The following CLTRN variants were observed in gnomAD, a reference collection of about 807,000 sequenced individuals.
CLTRN encodes collectrin.
A neutral mutation model predicts 14.5 loss-of-function variants in CLTRN; 12 were observed. The ratio of observed to expected loss-of-function variants is 0.83; its 90% confidence interval spans 0.53 to 1.34. The LOEUF (loss-of-function observed/expected upper bound fraction) is 1.34. CLTRN is among the 40% of genes most tolerant of loss of function. The pLI is 0.00. For synonymous variants in CLTRN, 58 were observed against 56.5 expected (o/e 1.03, Z -0.12); for missense variants, 154 against 165.1 (o/e 0.93, Z 0.37).
intron 3 of CLTRN, among the ~76,000 whole-genome samples, chrX:15,654,401 T>C (rs1049636780): frequency 4.4e-5 from 5 of 112,729 alleles, no homozygotes; most frequent in Non-Finnish European, 9.4e-5. Flanking sequence ...GACCTGGGAA[T>C]TAGACTAAAC....
chrX:15,635,619 A>G (rs771230972), intron 5 of CLTRN, among the ~76,000 whole-genome samples: 12 of 112,048 alleles, frequency 1.1e-4, no homozygotes, highest in Admixed American at 1.0e-3. Context: ...CACACCAAAT[A>G]CAAAAATCAA....
intron 3 of CLTRN, chrX:15,646,220 C>T (rs1453823929): frequency 1.7e-5 from 4 of 228,649 alleles, no homozygotes; most frequent in Middle Eastern, 1.6e-3. Flanking sequence ...TGGCCTCCTG[C>T]CCCATGCAAC....
At chrX:15,657,619 G>C (rs1374012543) in intron 3 of CLTRN, among the ~76,000 whole-genome samples, 2 of 81,424 alleles carry the variant, frequency 2.5e-5, no homozygotes, top group African/African-American at 5.0e-5. Context: ...GAGATAACCA[G>C]TGGCTTTTCT....
intron 3 of CLTRN, among the ~76,000 whole-genome samples, chrX:15,652,387 G>A (rs1262140684): frequency 9.4e-6 from 1 of 106,566 alleles, no homozygotes; most frequent in Non-Finnish European, 1.9e-5. Context: ...GCAACTCAGC[G>A]AAACAAAATT....
At chrX:15,653,621 C>T (rs1273587146) in intron 3 of CLTRN, among the ~76,000 whole-genome samples, 4 of 112,053 alleles carry the variant, frequency 3.6e-5, no homozygotes, top group African/African-American at 1.3e-4. Flanking sequence ...TTCTCTGCCT[C>T]CTCCACAACT....
At chrX:15,653,874 T>C (rs1291570506) in intron 3 of CLTRN, among the ~76,000 whole-genome samples, 1 of 112,846 alleles carries the variant, frequency 8.9e-6, no homozygotes, top group African/African-American at 3.2e-5. Context: ...ATTATTTGAA[T>C]TCACTTTAAT....
upstream of CLTRN, among the ~76,000 whole-genome samples, chrX:15,667,650 C>T (rs1312789638): frequency 8.9e-6 from 1 of 112,322 alleles, no homozygotes; most frequent in Non-Finnish European, 1.9e-5. Flanking sequence ...TTCTTAAAAA[C>T]AAAACTGGGG....
At chrX:15,655,624 C>G (rs1247592836) in intron 3 of CLTRN, among the ~76,000 whole-genome samples, 1 of 111,956 alleles carries the variant, frequency 8.9e-6, no homozygotes, top group Non-Finnish European at 1.9e-5. Context: ...TGCTCTCTCT[C>G]TCCCCAGTCA....
At chrX:15,664,478 G>T in intron 1 of CLTRN, 83 bp from the exon 2 acceptor site, 1 of 840,699 alleles carries the variant, frequency 1.2e-6, no homozygotes, top group Non-Finnish European at 1.7e-6. Flanking sequence ...AATATGTAAT[G>T]CAACTCAAAC....
At chrX:15,638,777 T>A (rs1039775505) in intron 5 of CLTRN, among the ~76,000 whole-genome samples, 1 of 111,961 alleles carries the variant, frequency 8.9e-6, no homozygotes, top group Admixed American at 9.5e-5. Context: ...TGAAGCAGTA[T>A]CAATAACTTA....
intron 5 of CLTRN, among the ~76,000 whole-genome samples, chrX:15,634,459 C>T (rs940413290): frequency 4.5e-5 from 5 of 110,135 alleles, no homozygotes; most frequent in Admixed American, 9.8e-5. Flanking sequence ...ATCACCATCA[C>T]CATCATCACC....
intron 5 of CLTRN, 32 bp from the exon 6 acceptor site, chrX:15,628,159 C>A: frequency 9.9e-7 from 1 of 1,008,707 alleles, no homozygotes; most frequent in Non-Finnish European, 1.3e-6. Context: ...TGATTGGCAT[C>A]TAGAAGGACC....
chrX:15,628,039 G>T lies in CLTRN; in HGVS notation c.601C>A (p.Leu201Met). 4 of 1,142,397 alleles carry T rather than the reference G, an allele frequency of 3.5e-6. No individual in the cohort carries two copies. Among genetic ancestry groups the T allele is most frequent in the Non-Finnish European group, 4.7e-6 (4 of 856,158 alleles). 94.1% of individuals were successfully genotyped at this position (1,142,397 alleles called of 1,213,427 possible). Residue 201 changes from leucine to methionine, a missense_variant, in exon 6 of 6, where the codon CTG (leucine) becomes ATG (methionine). Transcript: ENST00000380342. ...TTAATATGCCCTCCCTTCATGTCCA[G>T]GGGATCAGAGGGGATGCCATTTTCA... ...TIENGIPSDP[L>M]DMKGGHINDA...
chrX:15,668,101 C>T (rs12009489), upstream of CLTRN, among the ~76,000 whole-genome samples: 6,936 of 110,867 alleles, frequency 0.063, 498 homozygotes, highest in African/African-American at 0.21. Flanking sequence ...TATAGAGAAG[C>T]AAAAAAAAGT....
intron 1 of CLTRN, among the ~76,000 whole-genome samples, chrX:15,674,352 T>C (rs1411536782): frequency 1.8e-5 from 2 of 111,742 alleles, no homozygotes; most frequent in African/African-American, 6.5e-5. Flanking sequence ...ACCAAGTGCC[T>C]AGGAAAAGTC....
At chrX:15,629,751 T>C (rs1928648333) in intron 5 of CLTRN, among the ~76,000 whole-genome samples, 2 of 111,413 alleles carry the variant, frequency 1.8e-5, no homozygotes. Context: ...TTTCAAGATA[T>C]CACCCCCATA....
intron 3 of CLTRN, among the ~76,000 whole-genome samples, chrX:15,645,944 G>A (rs1345901565): frequency 8.8e-6 from 1 of 113,153 alleles, no homozygotes; most frequent in Non-Finnish European, 1.9e-5. Flanking sequence ...CAAGTGTATT[G>A]TGATCATTTT....
At chrX:15,659,728 G>A (rs1409094822) in intron 2 of CLTRN, among the ~76,000 whole-genome samples, 1 of 111,281 alleles carries the variant, frequency 9.0e-6, no homozygotes, top group African/African-American at 3.3e-5. Flanking sequence ...GAGGGAAGAT[G>A]ATATGAAGAC....
At chrX:15,631,162 A>G (rs1928686329) in intron 5 of CLTRN, among the ~76,000 whole-genome samples, 1 of 112,295 alleles carries the variant, frequency 8.9e-6, no homozygotes, top group Non-Finnish European at 1.9e-5. Flanking sequence ...ATGAAGCTGT[A>G]AGTAGCAAAT....
Sources: gnomAD v4.1 joint callset for allele counts (sites outside exome capture counted in the v4.1 genomes callset) on GRCh38, gnomAD v4.1.1 for gene constraint, MANE v1.5 for transcripts, NCBI Gene and HGNC (gene_info 2026-07-23, HGNC 2026-07-21) for gene names.